Variants in ST8SIA5 observed in about 807,000 individuals in gnomAD.
The protein encoded by ST8SIA5 is ST8 alpha-N-acetyl-neuraminide alpha-2,8-sialyltransferase 5, also known as alpha-2,8-sialyltransferase 8E.
A neutral mutation model predicts 40.2 loss-of-function variants in ST8SIA5; 24 were observed. That is an observed-to-expected ratio of 0.60 (90% CI 0.43 to 0.84). The LOEUF (loss-of-function observed/expected upper bound fraction) is 0.84, where lower values mean the gene tolerates loss of function less well. Among genes scored for constraint, ST8SIA5 ranks in the 40% least tolerant of loss-of-function variants. The pLI, the probability that ST8SIA5 is intolerant of heterozygous loss-of-function variation, is 0.00. For missense variants in ST8SIA5, 465 were observed against 498.5 expected, an observed-to-expected ratio of 0.93 and a Z score of 0.64; for synonymous variants, 198 against 201.8, an observed-to-expected ratio of 0.98 and a Z score of 0.16.
intron 2 of ST8SIA5, among the ~76,000 whole-genome samples, chr18:46,703,133 T>C (rs1401904393): frequency 9.2e-5 from 14 of 152,206 alleles, no homozygotes; most frequent in Admixed American, 9.2e-4. Context: ...CTATCTACTT[T>C]CTTTTTTTAT....
intron 1 of ST8SIA5, among the ~76,000 whole-genome samples, chr18:46,738,640 C>T (rs1266905398): frequency 6.6e-6 from 1 of 152,160 alleles, no homozygotes; most frequent in Non-Finnish European, 1.5e-5. Flanking sequence ...ACCCAGGCTG[C>T]AGTCAGAGCA....
chr18:46,677,276 G>C lies in ST8SIA5; in HGVS notation c.*2766C>G, dbSNP rs1438292163. The C allele has an allele frequency of 4.8e-5, 2 of 41,746 alleles. No individual in the cohort carries two copies. Among genetic ancestry groups the C allele is most frequent in the African/African-American group, 1.7e-4 (2 of 11,462 alleles). The allele number at this position is 41,746 out of a possible 1,614,324, so 2.6% of individuals were successfully genotyped here. A position where few individuals can be genotyped will look rare whatever the true frequency, so the allele number is the denominator to read the frequency against. On this transcript the variant is annotated 3_prime_UTR_variant, in exon 7 of 7. Transcript: ENST00000315087. ...GACAGAGGTTTGGAGCACAGACTTT[G>C]GGGCTCTACAGATCTGGGTGCAGTT...
chr18:46,716,524 G>A (rs2039793505), intron 1 of ST8SIA5, among the ~76,000 whole-genome samples: 1 of 152,200 alleles, frequency 6.6e-6, no homozygotes, highest in Admixed American at 6.5e-5. Context: ...CTCCTGAGTT[G>A]CCTTCCACAC....
intron 1 of ST8SIA5, among the ~76,000 whole-genome samples, chr18:46,717,805 C>T (rs2039807434): frequency 1.3e-5 from 2 of 152,166 alleles, no homozygotes; most frequent in African/African-American, 2.4e-5. Flanking sequence ...TTCTTTCTTA[C>T]CAATAGCCTT....
intron 1 of ST8SIA5, chr18:46,730,099 T>A: frequency 1.1e-6 from 1 of 906,058 alleles, no homozygotes; most frequent in Non-Finnish European, 1.3e-6. Context: ...TGCCTCTCCA[T>A]CAGTCACAAA....
At chr18:46,700,182 C>T (rs2039597757) in intron 2 of ST8SIA5, among the ~76,000 whole-genome samples, 2 of 152,340 alleles carry the variant, frequency 1.3e-5, no homozygotes, top group South Asian at 4.1e-4. Context: ...ATGTATCTGA[C>T]ACTGTCAGGG....
chr18:46,742,025 C>T (rs1167176729), intron 1 of ST8SIA5, among the ~76,000 whole-genome samples: 1 of 151,882 alleles, frequency 6.6e-6, no homozygotes, highest in Non-Finnish European at 1.5e-5. Context: ...TCACTTGAAC[C>T]CAGGAGGTGG....
intron 4 of ST8SIA5, 113 bp downstream of exon 4, chr18:46,688,662 G>A: frequency 7.4e-7 from 1 of 1,351,960 alleles, no homozygotes; most frequent in Non-Finnish European, 1.0e-6. Flanking sequence ...CAAGACAACT[G>A]AGTCCAGAGG....
chr18:46,691,564 C>CT (rs2039505818), intron 3 of ST8SIA5: 1 of 152,942 alleles, frequency 6.5e-6, no homozygotes, highest in Middle Eastern at 3.2e-3. Context: ...TAAAGTTCAC[C>CT]ATCCATCAAA....
chr18:46,681,616 A>T (rs1351158420), intron 6 of ST8SIA5, among the ~76,000 whole-genome samples: 1 of 152,140 alleles, frequency 6.6e-6, no homozygotes, highest in Admixed American at 6.5e-5. Flanking sequence ...AAGCTGACCC[A>T]CCCATCTCTA....
intron 1 of ST8SIA5, among the ~76,000 whole-genome samples, chr18:46,752,650 G>T (rs1035794034): frequency 1.3e-5 from 2 of 152,222 alleles, no homozygotes; most frequent in African/African-American, 4.8e-5. Flanking sequence ...GCAGAGCACA[G>T]GGAGAGCCCA....
intron 4 of ST8SIA5, among the ~76,000 whole-genome samples, chr18:46,687,611 G>A (rs1294576165): frequency 6.6e-6 from 1 of 152,158 alleles, no homozygotes; most frequent in African/African-American, 2.4e-5. Flanking sequence ...TAGGGCCACA[G>A]TGATTGAGAA....
intron 2 of ST8SIA5, among the ~76,000 whole-genome samples, chr18:46,695,768 G>A (rs778982253): frequency 2.0e-5 from 3 of 152,196 alleles, no homozygotes; most frequent in East Asian, 1.9e-4. Flanking sequence ...TAGCAGATGC[G>A]TGGTAAATAT....
intron 2 of ST8SIA5, among the ~76,000 whole-genome samples, chr18:46,692,865 C>A (rs2039520878): frequency 8.3e-6 from 1 of 120,572 alleles, no homozygotes; most frequent in Non-Finnish European, 1.7e-5. Flanking sequence ...CCATCCCCTC[C>A]CCACCCCCCA....
chr18:46,704,717 G>A lies in ST8SIA5; in HGVS notation c.132-53C>T, dbSNP rs116144944. 3,034 of 1,413,722 alleles carry A rather than the reference G, an allele frequency of 2.1e-3. 46 individuals carry two copies. The African/African-American group carries it at 0.035, about 16-fold the overall frequency. 87.6% of individuals were successfully genotyped at this position (1,413,722 alleles called of 1,614,324 possible). A position where few individuals can be genotyped will look rare whatever the true frequency, so the allele number is the denominator to read the frequency against. On this transcript the variant is annotated intron_variant, in intron 1 of 6. Coordinates refer to ENST00000315087, the MANE Select transcript of ST8SIA5 (RefSeq NM_013305.6). ...AGAGAAGCAGGTCAGGATGTCCAGG[G>A]CCTGCAGGGGCTCTTGTTGCAGGGT...
chr18:46,731,465 C>G (rs746703292), intron 1 of ST8SIA5, among the ~76,000 whole-genome samples: 2 of 152,228 alleles, frequency 1.3e-5, no homozygotes, highest in Non-Finnish European at 2.9e-5. Flanking sequence ...GAGCACCGGG[C>G]TCAGGGCCCC....
chr18:46,726,657 G>A, intron 1 of ST8SIA5, among the ~76,000 whole-genome samples: 1 of 152,066 alleles, frequency 6.6e-6, no homozygotes, highest in East Asian at 1.9e-4. Context: ...GGTGGCTCGT[G>A]CCTGTAATCC....
intron 5 of ST8SIA5, among the ~76,000 whole-genome samples, chr18:46,683,235 A>G (rs12454493): frequency 0.1 from 15,581 of 152,252 alleles, 1,004 homozygotes; most frequent in East Asian, 0.34. Flanking sequence ...CAAAGGCACC[A>G]TACAAACATT....
At chr18:46,687,751 C>G (rs1171579640) in intron 4 of ST8SIA5, among the ~76,000 whole-genome samples, 1 of 152,210 alleles carries the variant, frequency 6.6e-6, no homozygotes, top group Non-Finnish European at 1.5e-5. Context: ...AGCCAAGAAG[C>G]AAGGCAGCCA....
Sources: gnomAD v4.1 joint callset for allele counts (sites outside exome capture counted in the v4.1 genomes callset) on GRCh38, gnomAD v4.1.1 for gene constraint, MANE v1.5 for transcripts, NCBI Gene and HGNC (gene_info 2026-07-23, HGNC 2026-07-21) for gene names.